The following TNFAIP6 variants were observed in gnomAD, a reference collection of about 807,000 sequenced individuals.
TNFAIP6 encodes TNF alpha induced protein 6, also known as tumor necrosis factor-inducible gene 6 protein.
A neutral mutation model predicts 33.7 loss-of-function variants in TNFAIP6; 36 were observed. The observed-to-expected ratio is 1.07, with a 90% CI of 0.82 to 1.41. TNFAIP6 has a LOEUF of 1.41. Among genes scored for constraint, TNFAIP6 ranks in the 40% most tolerant of loss-of-function variants. The pLI is 0.00. For synonymous variants in TNFAIP6, 113 were observed against 112.8 expected (o/e 1.00, Z -0.01); for missense variants, 273 against 331.9 (o/e 0.82, Z 1.38).
intron 1 of TNFAIP6, among the ~76,000 whole-genome samples, chr2:151,359,624 G>A (rs184143245): frequency 2.6e-4 from 40 of 152,224 alleles, no homozygotes; most frequent in African/African-American, 7.7e-4. Flanking sequence ...TCCTGACCTC[G>A]TGATCCGCCC....
In TNFAIP6 at chr2:151,370,193, G is replaced by C. The variant is rs1351383907; in HGVS notation, c.568G>C (p.Ala190Pro). ...FDLEDDPGCL[A>P]DYVEIYDSYD... ...CCTTGAAGATGACCCAGGTTGCTTGGCTGATTATGTTGAAATATATGACAG... is the reference window on the plus strand; with the variant it reads ...CCTTGAAGATGACCCAGGTTGCTTGCCTGATTATGTTGAAATATATGACAG... The change falls in exon 4 of 6, where the codon GCT (alanine) becomes CCT (proline). Residue 190 changes from alanine (A) to proline (P), a missense_variant. Coordinates refer to ENST00000243347, the MANE Select transcript of TNFAIP6 (RefSeq NM_007115.4). 1 of 1,614,098 alleles carries C rather than the reference G, an allele frequency of 6.2e-7. No homozygotes were observed. The highest frequency in any genetic ancestry group is 2.2e-5 in the East Asian group (1 of 44,874).
chr2:151,361,170 G>C (rs2152011811), intron 1 of TNFAIP6, among the ~76,000 whole-genome samples: 1 of 152,116 alleles, frequency 6.6e-6, no homozygotes, highest in Non-Finnish European at 1.5e-5. Context: ...TGCCTCCCTG[G>C]TTCAAGCAAT....
chr2:151,369,392 A>T (rs1684773339), intron 3 of TNFAIP6, among the ~76,000 whole-genome samples: 2 of 152,036 alleles, frequency 1.3e-5, no homozygotes, highest in South Asian at 4.2e-4. Context: ...TAGGCTCATG[A>T]GATTCTTCTG....
At chr2:151,357,784 T>G in intron 1 of TNFAIP6, 24 bp downstream of exon 1, 1 of 1,411,964 alleles carries the variant, frequency 7.1e-7, no homozygotes, top group Non-Finnish European at 1.0e-6. Context: ...CTCATGAGCC[T>G]CTTGTTGAGA....
chr2:151,363,885 T>A, intron 1 of TNFAIP6, 58 bp from the exon 2 acceptor site: 2 of 1,580,778 alleles, frequency 1.3e-6, no homozygotes, highest in Non-Finnish European at 1.7e-6. Flanking sequence ...GCCACAGAAT[T>A]TCCCCTGTTC....
intron 5 of TNFAIP6, 133 bp downstream of exon 5, chr2:151,373,722 C>T (rs1190197055): frequency 4.7e-6 from 2 of 424,414 alleles, no homozygotes; most frequent in African/African-American, 4.3e-5. Flanking sequence ...ACACCAGATG[C>T]AGCTTGCTAG....
intron 1 of TNFAIP6, among the ~76,000 whole-genome samples, chr2:151,359,485 T>TTC (rs1684588661): frequency 6.6e-6 from 1 of 150,484 alleles, no homozygotes; most frequent in African/African-American, 2.5e-5. Context: ...GCCTCCCAGG[T>TTC]TCACGCCATT....
At chr2:151,365,282 G>A (rs561372172) in intron 2 of TNFAIP6, among the ~76,000 whole-genome samples, 1 of 152,284 alleles carries the variant, frequency 6.6e-6, no homozygotes, top group East Asian at 1.9e-4. Flanking sequence ...GGTGGAGGCT[G>A]CAGTGAGCTG....
At chr2:151,371,305 C>T (rs1343391781) in intron 4 of TNFAIP6, among the ~76,000 whole-genome samples, 1 of 151,904 alleles carries the variant, frequency 6.6e-6, no homozygotes, top group African/African-American at 2.4e-5. Flanking sequence ...AAAGAGTGTA[C>T]AATTAGGTAT....
chr2:151,363,840 G>A, intron 1 of TNFAIP6, 103 bp from the exon 2 acceptor site: 3 of 1,419,726 alleles, frequency 2.1e-6, no homozygotes, highest in Non-Finnish European at 2.8e-6. Context: ...AAGCCCTTTG[G>A]CAGGAACAAT....
At chr2:151,368,844 C>T (rs570546680) in intron 3 of TNFAIP6, among the ~76,000 whole-genome samples, 5 of 152,210 alleles carry the variant, frequency 3.3e-5, no homozygotes, top group Admixed American at 3.3e-4. Flanking sequence ...AGGGCAAAGT[C>T]CCTACCATCT....
intron 1 of TNFAIP6, among the ~76,000 whole-genome samples, chr2:151,363,194 T>TA (rs1684657008): frequency 1.3e-5 from 2 of 152,096 alleles, no homozygotes. Flanking sequence ...CACATGCCTG[T>TA]AATCCCAGCT....
At chr2:151,365,518 A>T (rs1684694974) in intron 2 of TNFAIP6, among the ~76,000 whole-genome samples, 1 of 151,060 alleles carries the variant, frequency 6.6e-6, no homozygotes, top group Non-Finnish European at 1.5e-5. Flanking sequence ...GCATGCCTGT[A>T]AGCCCAGCTA....
At chr2:151,370,355 T>C in intron 4 of TNFAIP6, 107 bp downstream of exon 4, 1 of 817,280 alleles carries the variant, frequency 1.2e-6, no homozygotes, top group Non-Finnish European at 2.0e-6. Context: ...TTGGAATAGT[T>C]CTACTCTCCT....
At position 151,379,542 on chromosome 2, in the gene TNFAIP6, A is replaced by G. The variant is rs759368252; in HGVS notation, c.*9A>G. 2.6e-6 allele frequency: 4 copies of G among 1,541,508 alleles called. No individual in the cohort carries two copies. The African/African-American group carries it at 5.6e-5, about 22-fold the overall frequency. On this transcript the variant is annotated 3_prime_UTR_variant, in exon 6 of 6. Coordinates refer to ENST00000243347, the MANE Select transcript of TNFAIP6 (RefSeq NM_007115.4). ...GATTTAGCCACTTATAAAAAAAAAA[A>G]AAAGGATGATCAAAACACACAGTGT...
At chr2:151,368,229 T>G (rs1053102881) in intron 3 of TNFAIP6, 9 of 153,800 alleles carry the variant, frequency 5.9e-5, no homozygotes, top group African/African-American at 1.9e-4. Flanking sequence ...AATAACCCTG[T>G]GTGATAGATA....
intron 1 of TNFAIP6, among the ~76,000 whole-genome samples, chr2:151,362,443 C>A (rs1479553124): frequency 1.4e-5 from 2 of 141,468 alleles, no homozygotes; most frequent in Non-Finnish European, 3.1e-5. Flanking sequence ...TGGATCCCTT[C>A]AGATCTTTCC....
chr2:151,367,851 T>C lies in TNFAIP6; in HGVS notation c.394+1634T>C, dbSNP rs3771896. On this transcript the variant is annotated intron_variant, in intron 3 of 5. Coordinates refer to ENST00000243347, the MANE Select transcript of TNFAIP6 (RefSeq NM_007115.4). Reference sequence around the variant, plus strand: ...GGGGAACAGCTCACTGAAACATCACTGGAATAAAAAAAAAAAATAATGGCT... The same window carrying C: ...GGGGAACAGCTCACTGAAACATCACCGGAATAAAAAAAAAAAATAATGGCT... Among the ~76,000 whole-genome samples the C allele has an allele frequency of 7.7e-4, 117 of 151,072 alleles. 1 individual carries two copies. In the East Asian group the frequency reaches 0.019, roughly 25 times the overall value.
intron 5 of TNFAIP6, among the ~76,000 whole-genome samples, chr2:151,376,981 A>T (rs1279769920): frequency 2.8e-5 from 4 of 144,140 alleles, no homozygotes; most frequent in Non-Finnish European, 6.0e-5. Context: ...GGCTCAAGTG[A>T]TTTTCCCGCA....
Sources: gnomAD v4.1 joint callset for allele counts (sites outside exome capture counted in the v4.1 genomes callset) on GRCh38, gnomAD v4.1.1 for gene constraint, MANE v1.5 for transcripts, NCBI Gene and HGNC (gene_info 2026-07-23, HGNC 2026-07-21) for gene names.